Variants in SLIT3 observed in about 807,000 individuals in gnomAD.
SLIT3 encodes slit guidance ligand 3, also known as slit homolog 3 protein.
Under a neutral mutation model 184.0 loss-of-function variants are expected in SLIT3, and 68 were observed. The ratio of observed to expected loss-of-function variants is 0.37; its 90% CI spans 0.30 to 0.45. The LOEUF (loss-of-function observed/expected upper bound fraction) is 0.45. Ranked by LOEUF, SLIT3 falls within the 20% of genes least tolerant of loss-of-function variation. The probability of loss-of-function intolerance (pLI) is 1.00; values close to 1 mark genes in which losing one functional copy is unlikely to be tolerated. For synonymous variants in SLIT3, 831 were observed against 828.6 expected (o/e 1.00, Z -0.05); for missense variants, 1,707 against 2,026.0 (o/e 0.84, Z 3.02).
chr5:168,807,766 C>T (rs1757021524), intron 8 of SLIT3, among the ~76,000 whole-genome samples: 2 of 152,048 alleles, frequency 1.3e-5, no homozygotes, highest in Admixed American at 6.6e-5. Context: ...TTGGTTTGGC[C>T]CCTGTTCACT....
At chr5:168,912,810 C>G (rs1255945605) in intron 4 of SLIT3, among the ~76,000 whole-genome samples, 1 of 152,180 alleles carries the variant, frequency 6.6e-6, no homozygotes, top group Non-Finnish European at 1.5e-5. Context: ...CATCCTCAAA[C>G]TTTCTGCACG....
intron 16 of SLIT3, among the ~76,000 whole-genome samples, chr5:168,759,716 C>G (rs897907539): frequency 6.6e-6 from 1 of 152,164 alleles, no homozygotes; most frequent in Admixed American, 6.5e-5. Context: ...TGTGCACACC[C>G]GAGAATGACT....
chr5:168,787,651 T>C (rs1445688270), intron 11 of SLIT3, among the ~76,000 whole-genome samples: 1 of 152,100 alleles, frequency 6.6e-6, no homozygotes, highest in Non-Finnish European at 1.5e-5. Context: ...TCTGCCTCCC[T>C]CCCCCGCACC....
At chr5:168,903,682 G>A (rs1258073239) in intron 4 of SLIT3, among the ~76,000 whole-genome samples, 11 of 152,106 alleles carry the variant, frequency 7.2e-5, no homozygotes, top group Admixed American at 7.2e-4. Context: ...TGGCCCTCCT[G>A]GAGGGCCTTG....
intron 5 of SLIT3, among the ~76,000 whole-genome samples, chr5:168,852,745 T>C (rs1031924338): frequency 6.6e-6 from 1 of 152,224 alleles, no homozygotes; most frequent in Non-Finnish European, 1.5e-5. Context: ...TTTTTTCTTA[T>C]AAAAGTGGAA....
intron 3 of SLIT3, among the ~76,000 whole-genome samples, chr5:169,196,039 C>T (rs1763731434): frequency 1.3e-5 from 2 of 152,162 alleles, no homozygotes; most frequent in Admixed American, 1.3e-4. Context: ...TGAACAACAA[C>T]TCCCCATCCC....
intron 2 of SLIT3, among the ~76,000 whole-genome samples, chr5:169,248,142 C>A (rs1765658940): frequency 6.6e-6 from 1 of 152,158 alleles, no homozygotes; most frequent in Admixed American, 6.5e-5. Context: ...TAACCACTTC[C>A]TCCCTGTGCT....
chr5:168,907,347 TC>T (rs1561999522), intron 4 of SLIT3, among the ~76,000 whole-genome samples: 1 of 152,194 alleles, frequency 6.6e-6, no homozygotes, highest in Non-Finnish European at 1.5e-5. Flanking sequence ...TTCCTTTCTA[TC>T]CTTTTTCCTC....
intron 18 of SLIT3, chr5:168,752,296 C>T (rs1337520742): frequency 6.6e-6 from 1 of 152,658 alleles, no homozygotes; most frequent in Non-Finnish European, 1.5e-5. Flanking sequence ...ATGCCCTTCC[C>T]TCTGAAGGAA....
intron 20 of SLIT3, among the ~76,000 whole-genome samples, chr5:168,736,791 G>A (rs905454069): frequency 1.3e-5 from 2 of 152,192 alleles, no homozygotes; most frequent in Admixed American, 6.5e-5. Flanking sequence ...AGGCCACTGG[G>A]CAGAACACAT....
At chr5:169,095,299 C>G (rs1330715579) in intron 4 of SLIT3, among the ~76,000 whole-genome samples, 1 of 152,168 alleles carries the variant, frequency 6.6e-6, no homozygotes, top group Admixed American at 6.5e-5. Context: ...GCAGAGTCAT[C>G]TTGCACCGAA....
At position 169,105,500 on chromosome 5, in the gene SLIT3, G is replaced by A. The variant is rs114302478; in HGVS notation, c.413+87979C>T. ...TGAGAACACACTCGTCCAAAGTCACGCCAAGCGTTACCAAGGTTGGAGTTG... is the reference window on the plus strand; with the variant it reads ...TGAGAACACACTCGTCCAAAGTCACACCAAGCGTTACCAAGGTTGGAGTTG... On this transcript the variant is annotated intron_variant, in intron 4 of 35. Transcript: ENST00000519560. 5.3e-5 allele frequency among the ~76,000 whole-genome samples: 8 copies of A among 152,284 alleles called. No homozygotes were observed. The South Asian group carries it at 6.2e-4, about 12-fold the overall frequency.
chr5:168,961,858 ATGTGTGTG>A lies in SLIT3; in HGVS notation c.414-78530_414-78523del, dbSNP rs35895529. Among the ~76,000 whole-genome samples, 6 of 148,414 alleles carry A rather than the reference ATGTGTGTG, an allele frequency of 4.0e-5. No individual in the cohort carries two copies. In the East Asian group the frequency reaches 5.9e-4, roughly 15 times the overall value. The stretch of plus-strand genomic sequence containing the variant: ...TACTATTTCAGGCATGCATGCACGC[ATGTGTGTG>A]TGTGTGTGTGTGTGTGTGTATGTGT... On this transcript the variant is annotated intron_variant, in intron 4 of 35. Coordinates refer to ENST00000519560, the MANE Select transcript of SLIT3 (RefSeq NM_003062.4).
chr5:168,826,336 G>A (rs934793350), intron 6 of SLIT3, among the ~76,000 whole-genome samples: 8 of 152,202 alleles, frequency 5.3e-5, no homozygotes, highest in African/African-American at 1.7e-4. Flanking sequence ...CCTCTCAGAC[G>A]CTGATTGCTA....
intron 14 of SLIT3, chr5:168,768,390 C>T (rs539730589): frequency 6.6e-5 from 29 of 438,528 alleles, no homozygotes; most frequent in South Asian, 1.1e-4. Context: ...GGAACACTTC[C>T]GAAGATTGCA....
At chr5:169,094,922 C>T (rs1483851400) in intron 4 of SLIT3, among the ~76,000 whole-genome samples, 1 of 152,226 alleles carries the variant, frequency 6.6e-6, no homozygotes, top group African/African-American at 2.4e-5. Flanking sequence ...TATTTACTAT[C>T]TGGCACTTCA....
At chr5:169,197,979 A>G (rs1325346359) in intron 3 of SLIT3, among the ~76,000 whole-genome samples, 1 of 152,180 alleles carries the variant, frequency 6.6e-6, no homozygotes, top group Non-Finnish European at 1.5e-5. Flanking sequence ...CATCGAACCC[A>G]TCCATGTATC....
intron 6 of SLIT3, among the ~76,000 whole-genome samples, chr5:168,832,181 C>T (rs563000780): frequency 6.6e-6 from 1 of 152,322 alleles, no homozygotes; most frequent in African/African-American, 2.4e-5. Context: ...AGACTGAGAC[C>T]ATGGACAGTC....
intron 4 of SLIT3, chr5:169,036,279 A>T (rs1436293982): frequency 6.6e-6 from 1 of 152,186 alleles, no homozygotes; most frequent in Non-Finnish European, 1.5e-5. Context: ...CACCCAGCAG[A>T]CTTCAGTTTG....
Sources: allele counts gnomAD v4.1 joint callset (sites outside exome capture counted in the v4.1 genomes callset), GRCh38; gene constraint gnomAD v4.1.1; transcripts MANE v1.5; gene names NCBI Gene and HGNC (gene_info 2026-07-23, HGNC 2026-07-21).